BPI: variants seen among roughly 807,000 people sequenced by gnomAD.
The protein encoded by BPI is bactericidal permeability increasing protein.
BPI carries 48 observed loss-of-function variants against 57.6 expected under a neutral mutation model. The ratio of observed to expected loss-of-function variants is 0.83; its 90% CI spans 0.66 to 1.06. The LOEUF (loss-of-function observed/expected upper bound fraction) is 1.06. Among genes scored for constraint, BPI ranks in the 50% least tolerant of loss-of-function variants. BPI has a pLI of 0.00. For synonymous variants in BPI, 237 were observed against 238.2 expected (o/e 0.99, Z 0.05); for missense variants, 651 against 609.7 (o/e 1.07, Z -0.71).
chr20:38,307,150 G>C (rs2076600674), intron 1 of BPI, among the ~76,000 whole-genome samples: 2 of 152,142 alleles, frequency 1.3e-5, no homozygotes, highest in Non-Finnish European at 2.9e-5. Flanking sequence ...AGTGAGCCGT[G>C]ATCATGCCTC....
At chr20:38,328,372 G>T (rs1421736039) in intron 11 of BPI, among the ~76,000 whole-genome samples, 1 of 151,954 alleles carries the variant, frequency 6.6e-6, no homozygotes. Context: ...GGCCAACATG[G>T]TGAAACCCTG....
Position 38,334,464 on chromosome 20 carries a change from T to C in BPI, c.1307T>C (p.Val436Ala). 1 of 1,613,964 alleles carries C rather than the reference T, an allele frequency of 6.2e-7. No individual in the cohort carries two copies. The highest frequency in any genetic ancestry group is 1.6e-4 in the Middle Eastern group (1 of 6,062). Residue 436 changes from valine (V) to alanine (A), a missense_variant, in exon 13 of 15, where the codon GTA becomes GCA. By Grantham distance (64) the Val-to-Ala change is moderately conservative. Coordinates refer to ENST00000642449, the MANE Select transcript of BPI (RefSeq NM_001725.3). ...CTGCAGGATATCATGAACTACATTG[T>C]ACCCATTCTTGTGCTGCCCAGGGTT... ...ELLQDIMNYI[V>A]PILVLPRVNE... is the part of the protein sequence containing the mutation.
In BPI at chr20:38,320,196, A is replaced by G. The variant is rs2076674138; in HGVS notation, c.678A>G (p.Ile226Met). 18 of 1,613,926 alleles carry G rather than the reference A, an allele frequency of 1.1e-5. No individual in the cohort carries two copies. Among genetic ancestry groups the G allele is most frequent in the African/African-American group, 1.3e-5 (1 of 74,884 alleles). The change falls in exon 7 of 15, where the codon ATA becomes ATG. Residue 226 changes from isoleucine to methionine, a missense_variant. By Grantham distance (10) the Ile-to-Met change is conservative. Transcript: ENST00000642449. ...YFQTLPVMTKIDSVAGINYGL... is the reference protein window; with the variant it reads ...YFQTLPVMTKMDSVAGINYGL... ...CTTTCTCTCTAGTAATGACCAAAATAGATTCTGTGGCTGGAATCAACTATG... is the reference window on the plus strand; with the variant it reads ...CTTTCTCTCTAGTAATGACCAAAATGGATTCTGTGGCTGGAATCAACTATG...
chr20:38,327,765 G>A, intron 11 of BPI, 110 bp downstream of exon 11: 1 of 1,293,820 alleles, frequency 7.7e-7, no homozygotes, highest in Non-Finnish European at 1.1e-6. Context: ...TTTCCTGTTG[G>A]CTCATCACAT....
intron 6 of BPI, among the ~76,000 whole-genome samples, chr20:38,318,814 C>T (rs755164349): frequency 2.8e-4 from 42 of 152,246 alleles, no homozygotes; most frequent in Non-Finnish European, 5.9e-4. Flanking sequence ...TTTCCATGTC[C>T]TTAAAATGGG....
At position 38,326,430 on chromosome 20, in the gene BPI, A is replaced by G. The variant is rs748970852; in HGVS notation, c.1159A>G (p.Met387Val). 2.5e-6 allele frequency: 4 copies of G among 1,612,746 alleles called. No homozygotes were observed. The South Asian group carries it at 3.3e-5, about 13-fold the overall frequency. ...SSLASLFLIGMHTTGSMEVSA... is the reference protein window; with the variant it reads ...SSLASLFLIGVHTTGSMEVSA... The stretch of plus-strand genomic sequence containing the variant: ...CCTGGCTTCCCTCTTCCTGATTGGC[A>G]TGGTAAGCAGTTCCTGGGTTGGACA... Residue 387 changes from methionine to valine, a missense_variant and splice_region_variant, in exon 10 of 15, where the codon ATG (methionine) becomes GTG (valine). Physicochemically the swap from Met to Val is conservative, Grantham distance 21. Coordinates refer to ENST00000642449, the MANE Select transcript of BPI (RefSeq NM_001725.3).
intron 8 of BPI, 74 bp downstream of exon 8, chr20:38,324,120 G>GA (rs2076700600): frequency 6.6e-7 from 1 of 1,521,558 alleles, no homozygotes; most frequent in Non-Finnish European, 8.9e-7. Flanking sequence ...GACAAATCTG[G>GA]AAAAAGCTTT....
chr20:38,323,773 T>C, intron 7 of BPI, 97 bp from the exon 8 acceptor site: 2 of 1,353,066 alleles, frequency 1.5e-6, no homozygotes, highest in Non-Finnish European at 2.0e-6. Context: ...TTTGCAAGTG[T>C]ACAATTGGTG....
chr20:38,330,391 T>A (rs936511568), intron 11 of BPI, among the ~76,000 whole-genome samples: 20 of 152,208 alleles, frequency 1.3e-4, no homozygotes, highest in Non-Finnish European at 1.5e-5. Context: ...TTCAGTGGGA[T>A]AGAGCGCCCA....
intron 5 of BPI, among the ~76,000 whole-genome samples, chr20:38,313,657 G>A (rs1281321861): frequency 6.6e-6 from 1 of 152,224 alleles, no homozygotes; most frequent in Non-Finnish European, 1.5e-5. Flanking sequence ...TAATGCTGCT[G>A]CTGCTGTTGA....
intron 8 of BPI, 80 bp downstream of exon 8, chr20:38,324,126 G>T: frequency 2.0e-6 from 3 of 1,498,402 alleles, no homozygotes; most frequent in Non-Finnish European, 2.7e-6. Context: ...TCTGGAAAAA[G>T]CTTTTCTCAC....
intron 9 of BPI, 135 bp downstream of exon 9, chr20:38,324,968 G>A: frequency 1.4e-6 from 1 of 723,564 alleles, no homozygotes; most frequent in Non-Finnish European, 2.4e-6. Context: ...TGAAAGGGTG[G>A]AAATAGCTTC....
chr20:38,323,863 C>T lies in BPI; in HGVS notation c.757-7C>T. On this transcript the variant is annotated splice_polypyrimidine_tract_variant and splice_region_variant and intron_variant, in intron 7 of 14. Transcript: ENST00000642449. ...ATCTGGGCTCACTCTGTTGCCTCTA[C>T]CCCCAGGGGGAGTTTTACAGTGAGA... The T allele has an allele frequency of 6.2e-7, 1 of 1,613,246 alleles. No individual in the cohort carries two copies. Among genetic ancestry groups the T allele is most frequent in the African/African-American group, 1.3e-5 (1 of 74,990 alleles).
At position 38,310,644 on chromosome 20, in the gene BPI, C is replaced by T. The variant is rs2076617620; in HGVS notation, c.528C>T (p.Ser176=). The T allele has an allele frequency of 3.1e-6, 5 of 1,612,616 alleles. No homozygotes were observed. The South Asian group carries it at 3.3e-5, about 11-fold the overall frequency. The change falls in exon 4 of 15, where the codon AGC becomes AGT. Residue 176 remains serine, a synonymous_variant. Coordinates refer to ENST00000642449, the MANE Select transcript of BPI (RefSeq NM_001725.3). ...GTGTCCACGTGCACATCTCAAAGAG[C>T]AAAGTGGGGTATGGACTCCCGGGAC... The part of the protein sequence containing the change: ...INSVHVHISK[S]KVGWLIQLFH...
At chr20:38,313,759 G>A (rs1356629305) in intron 5 of BPI, among the ~76,000 whole-genome samples, 1 of 151,466 alleles carries the variant, frequency 6.6e-6, no homozygotes, top group Non-Finnish European at 1.5e-5. Flanking sequence ...TGGTGATGGT[G>A]ATGACGGTGA....
intron 12 of BPI, among the ~76,000 whole-genome samples, 184 bp from the exon 13 acceptor site, chr20:38,334,246 C>T (rs1483494946): frequency 6.6e-6 from 1 of 152,186 alleles, no homozygotes; most frequent in Non-Finnish European, 1.5e-5. Flanking sequence ...CTTCCATGAC[C>T]TTGATTGGGC....
At chr20:38,306,455 C>T (rs2076597148) in intron 1 of BPI, among the ~76,000 whole-genome samples, 2 of 152,200 alleles carry the variant, frequency 1.3e-5, no homozygotes, top group African/African-American at 4.8e-5. Context: ...AGGGGAGAGA[C>T]ATTCGTCAGA....
chr20:38,325,420 T>C (rs2122545728), intron 9 of BPI, among the ~76,000 whole-genome samples: 1 of 152,330 alleles, frequency 6.6e-6, no homozygotes, highest in South Asian at 2.1e-4. Flanking sequence ...TAGTGAGGGC[T>C]CTCTTCCTGG....
chr20:38,322,711 G>A (rs1369217960), intron 7 of BPI, among the ~76,000 whole-genome samples: 1 of 152,174 alleles, frequency 6.6e-6, no homozygotes, highest in East Asian at 1.9e-4. Context: ...CCCAGGTTCA[G>A]GCGATTCTCC....
Sources: gnomAD v4.1 joint callset for allele counts (sites outside exome capture counted in the v4.1 genomes callset) on GRCh38, gnomAD v4.1.1 for gene constraint, MANE v1.5 for transcripts, NCBI Gene and HGNC (gene_info 2026-07-23, HGNC 2026-07-21) for gene names.